Variants in CHN1 observed in about 807,000 individuals in gnomAD.
The protein encoded by CHN1 is N-chimaerin.
In CHN1, 37 loss-of-function variants were observed where a neutral mutation model predicts 59.5. The observed-to-expected ratio is 0.62, with a 90% CI of 0.48 to 0.82. The LOEUF (loss-of-function observed/expected upper bound fraction) is 0.82. Among genes scored for constraint, CHN1 ranks in the 40% least tolerant of loss-of-function variants. The probability of loss-of-function intolerance (pLI) is 0.00; values close to 1 mark genes in which losing one functional copy is unlikely to be tolerated. For synonymous variants in CHN1, 206 were observed against 200.4 expected, an observed-to-expected ratio of 1.03 and a Z score of -0.24; for missense variants, 469 against 571.0, an observed-to-expected ratio of 0.82 and a Z score of 1.82.
chr2:174,951,971 G>T (rs1690036310), intron 2 of CHN1, among the ~76,000 whole-genome samples, 193 bp downstream of exon 2: 1 of 152,132 alleles, frequency 6.6e-6, no homozygotes, highest in African/African-American at 2.4e-5. Flanking sequence ...ATTCCAGACG[G>T]AAAACCATAT....
At chr2:175,002,935 A>G (rs1227523562) in intron 1 of CHN1, among the ~76,000 whole-genome samples, 2 of 152,336 alleles carry the variant, frequency 1.3e-5, no homozygotes, top group African/African-American at 4.8e-5. Context: ...CCTTAGGTAC[A>G]TCTCTCAACA....
intron 1 of CHN1, among the ~76,000 whole-genome samples, chr2:174,955,380 T>C (rs1445546002): frequency 6.6e-6 from 1 of 151,678 alleles, no homozygotes; most frequent in African/African-American, 2.4e-5. Context: ...GTGAAGTAAC[T>C]CAGGAATGGA....
At chr2:174,931,002 T>A (rs1689329699) in intron 3 of CHN1, among the ~76,000 whole-genome samples, 1 of 152,054 alleles carries the variant, frequency 6.6e-6, no homozygotes, top group Admixed American at 6.6e-5. Flanking sequence ...ACTCCTGACC[T>A]CGTGATCTGC....
intron 5 of CHN1, among the ~76,000 whole-genome samples, chr2:174,883,437 T>C (rs1687794974): frequency 6.6e-6 from 1 of 152,218 alleles, no homozygotes; most frequent in South Asian, 2.1e-4. Context: ...GCTTGTACCT[T>C]TCCTGATAGG....
At chr2:174,935,008 C>A (rs2105392523) in intron 3 of CHN1, among the ~76,000 whole-genome samples, 1 of 152,284 alleles carries the variant, frequency 6.6e-6, no homozygotes. Context: ...CTTCCTAAGC[C>A]TAATCAATCA....
intron 11 of CHN1, among the ~76,000 whole-genome samples, chr2:174,806,392 G>C (rs565847634): frequency 2.0e-5 from 3 of 152,202 alleles, no homozygotes; most frequent in Non-Finnish European, 2.9e-5. Context: ...TGTTGGCAAA[G>C]GATGCTAATA....
intron 6 of CHN1, among the ~76,000 whole-genome samples, chr2:174,857,331 T>A (rs1346083013): frequency 6.6e-6 from 1 of 152,174 alleles, no homozygotes; most frequent in Non-Finnish European, 1.5e-5. Flanking sequence ...TTCAGTCCCC[T>A]CTTTAAGTTA....
At chr2:174,823,324 A>G (rs1014977445) in intron 8 of CHN1, among the ~76,000 whole-genome samples, 8 of 152,354 alleles carry the variant, frequency 5.3e-5, no homozygotes, top group African/African-American at 1.9e-4. Context: ...ACCAAATAAT[A>G]GACATTTAAA....
At chr2:174,902,548 A>G (rs1688419662) in intron 5 of CHN1, among the ~76,000 whole-genome samples, 1 of 152,198 alleles carries the variant, frequency 6.6e-6, no homozygotes, top group Non-Finnish European at 1.5e-5. Flanking sequence ...AAAATGATTC[A>G]TAATCTAAAC....
chr2:175,005,065 G>A lies in CHN1; in HGVS notation c.-153C>T, dbSNP rs1692020776. ...CCGGCGCCCGGGGAGGCTGCAGGCC[G>A]GGACGCGGGGGACCGCTGCAAGAAA... On this transcript the variant is annotated 5_prime_UTR_variant, in exon 1 of 13. Coordinates refer to ENST00000409900, the MANE Select transcript of CHN1 (RefSeq NM_001822.7). 4.3e-5 allele frequency: 58 copies of A among 1,339,640 alleles called. No homozygotes were observed. Among genetic ancestry groups the A allele is most frequent in the Non-Finnish European group, 5.2e-5 (54 of 1,042,968 alleles). 83.0% of individuals were successfully genotyped at this position (1,339,640 alleles called of 1,614,324 possible).
chr2:174,993,649 T>C (rs1017744794), intron 1 of CHN1, among the ~76,000 whole-genome samples: 3 of 149,770 alleles, frequency 2.0e-5, no homozygotes, highest in Non-Finnish European at 4.4e-5. Context: ...AAAAAGGCTT[T>C]ACCATATGGA....
chr2:174,995,275 A>C (rs1574255427), intron 1 of CHN1, among the ~76,000 whole-genome samples: 1 of 152,336 alleles, frequency 6.6e-6, no homozygotes, highest in East Asian at 1.9e-4. Context: ...AGTCAACTGC[A>C]ATCTGAAAAA....
At chr2:174,864,142 C>CT (rs983848376) in intron 6 of CHN1, among the ~76,000 whole-genome samples, 20 of 151,880 alleles carry the variant, frequency 1.3e-4, no homozygotes, top group South Asian at 1.0e-3. Flanking sequence ...TTTTCTTTTT[C>CT]TTTTTTTTAA....
intron 7 of CHN1, among the ~76,000 whole-genome samples, chr2:174,829,848 G>C (rs901030104): frequency 2.6e-5 from 4 of 152,180 alleles, no homozygotes; most frequent in Non-Finnish European, 5.9e-5. Flanking sequence ...TAGGCAGGCA[G>C]CTGGTCAGGA....
At chr2:174,847,567 A>G in intron 6 of CHN1, 1 of 1,271,978 alleles carries the variant, frequency 7.9e-7, no homozygotes, top group East Asian at 4.1e-5. Flanking sequence ...ATCAGTTTCT[A>G]GCAACAGACA....
At chr2:174,932,723 T>C (rs368260526) in intron 3 of CHN1, among the ~76,000 whole-genome samples, 1 of 152,124 alleles carries the variant, frequency 6.6e-6, no homozygotes, top group Admixed American at 6.5e-5. Context: ...TCTCACGAGA[T>C]TTGGTTGTTT....
At chr2:175,004,672 G>C (rs1368383512) in intron 1 of CHN1, among the ~76,000 whole-genome samples, 9 of 152,184 alleles carry the variant, frequency 5.9e-5, no homozygotes, top group Non-Finnish European at 4.4e-5. Context: ...GCCGAGAATT[G>C]GCCAGGGGAG....
At chr2:174,816,918 T>C (rs1000856293) in intron 8 of CHN1, among the ~76,000 whole-genome samples, 7 of 152,052 alleles carry the variant, frequency 4.6e-5, no homozygotes, top group African/African-American at 1.7e-4. Flanking sequence ...CAGAAAGGGC[T>C]CTTGGTAAAA....
chr2:174,950,045 G>C (rs1226446875), intron 2 of CHN1, among the ~76,000 whole-genome samples: 1 of 152,080 alleles, frequency 6.6e-6, no homozygotes, highest in Non-Finnish European at 1.5e-5. Flanking sequence ...AGGATCACTT[G>C]AGGTCGGGAG....
Sources: allele counts gnomAD v4.1 joint callset (sites outside exome capture counted in the v4.1 genomes callset), GRCh38; gene constraint gnomAD v4.1.1; transcripts MANE v1.5; gene names NCBI Gene and HGNC (gene_info 2026-07-23, HGNC 2026-07-21).